SLC41A2: variants seen among roughly 807,000 people sequenced by gnomAD.
SLC41A2 encodes SLC41A1-like 1.
In SLC41A2, 32 loss-of-function variants were observed where a neutral mutation model predicts 58.3. That is an observed-to-expected ratio of 0.55 (90% CI 0.41 to 0.74). SLC41A2 has a LOEUF of 0.74. SLC41A2 is among the 30% of genes least tolerant of loss of function. SLC41A2 has a pLI of 0.00. For synonymous variants in SLC41A2, 190 were observed against 235.0 expected, an observed-to-expected ratio of 0.81 and a Z score of 1.75; for missense variants, 514 against 680.6, an observed-to-expected ratio of 0.76 and a Z score of 2.72.
intron 2 of SLC41A2, among the ~76,000 whole-genome samples, chr12:104,923,077 T>G (rs369412464): frequency 6.6e-6 from 1 of 151,218 alleles, no homozygotes; most frequent in African/African-American, 2.4e-5. Flanking sequence ...TGTCAAAAAA[T>G]AGAGGCCGGG....
intron 4 of SLC41A2, among the ~76,000 whole-genome samples, chr12:104,893,904 C>CA (rs1206997483): frequency 2.0e-5 from 3 of 151,584 alleles, no homozygotes; most frequent in Non-Finnish European, 4.4e-5. Context: ...TTAATGAGTA[C>CA]AAAAAAATAG....
intron 10 of SLC41A2, among the ~76,000 whole-genome samples, chr12:104,829,201 T>TA (rs2041956992): frequency 6.6e-6 from 1 of 152,216 alleles, no homozygotes; most frequent in Admixed American, 6.5e-5. Flanking sequence ...TACATGCATA[T>TA]TCATAGCAGC....
chr12:104,844,855 C>G (rs745408516), intron 9 of SLC41A2, among the ~76,000 whole-genome samples: 1 of 152,066 alleles, frequency 6.6e-6, no homozygotes, highest in Non-Finnish European at 1.5e-5. Flanking sequence ...TGAAGAACAT[C>G]GGTCACACTT....
chr12:104,870,041 A>G (rs2043684152), intron 6 of SLC41A2, among the ~76,000 whole-genome samples: 1 of 152,232 alleles, frequency 6.6e-6, no homozygotes. Flanking sequence ...GTAATAATTC[A>G]CAGGACCTGT....
Position 104,937,250 on chromosome 12 carries a change from T to C in SLC41A2, c.-167-8556A>G, listed in dbSNP as rs565560137. On this transcript the variant is annotated intron_variant, in intron 1 of 10. Coordinates refer to ENST00000258538, the MANE Select transcript of SLC41A2 (RefSeq NM_001352171.3). ...TCTGCAGTAGTGCACAGTAATGTCC[T>C]AGCCCTTAACATTCACTCACCATTC... Among the ~76,000 whole-genome samples, 8 of 152,342 alleles carry C rather than the reference T, an allele frequency of 5.3e-5. No homozygotes were observed. The South Asian group carries it at 1.2e-3, about 24-fold the overall frequency.
At chr12:104,887,415 T>A (rs79211604) in intron 5 of SLC41A2, among the ~76,000 whole-genome samples, 1 of 151,938 alleles carries the variant, frequency 6.6e-6, no homozygotes, top group South Asian at 2.1e-4. Flanking sequence ...CAGTGTTTTT[T>A]ACTCTACCTA....
chr12:104,920,226 A>C (rs1350352515), intron 2 of SLC41A2, among the ~76,000 whole-genome samples: 2 of 152,142 alleles, frequency 1.3e-5, no homozygotes, highest in Non-Finnish European at 2.9e-5. Context: ...AAACCATATA[A>C]TAATTCTTGA....
intron 7 of SLC41A2, among the ~76,000 whole-genome samples, chr12:104,862,864 A>T (rs2043261068): frequency 6.6e-6 from 1 of 152,192 alleles, no homozygotes; most frequent in Non-Finnish European, 1.5e-5. Context: ...TAACTTATGC[A>T]TTACTTCACA....
At chr12:104,883,944 G>T (rs1329169489) in intron 6 of SLC41A2, among the ~76,000 whole-genome samples, 1 of 152,262 alleles carries the variant, frequency 6.6e-6, no homozygotes, top group African/African-American at 2.4e-5. Flanking sequence ...CCTGCTTCCA[G>T]AGGTGGAGTC....
intron 10 of SLC41A2, among the ~76,000 whole-genome samples, chr12:104,842,659 A>C (rs11112207): frequency 0.53 from 80,868 of 151,874 alleles, 21,977 homozygotes; most frequent in Middle Eastern, 0.6. Context: ...CAGAGAGACT[A>C]ATAATTACTC....
chr12:104,895,887 CAT>C (rs2045258822), intron 3 of SLC41A2, among the ~76,000 whole-genome samples: 1 of 152,128 alleles, frequency 6.6e-6, no homozygotes, highest in African/African-American at 2.4e-5. Context: ...AAATTTTACA[CAT>C]CTTTCTGCTA....
At chr12:104,807,038 T>C (rs1392650088) in intron 10 of SLC41A2, among the ~76,000 whole-genome samples, 1 of 152,238 alleles carries the variant, frequency 6.6e-6, no homozygotes, top group African/African-American at 2.4e-5. Flanking sequence ...TGATGGTAGT[T>C]TCTTTTGCTG....
intron 8 of SLC41A2, among the ~76,000 whole-genome samples, chr12:104,856,968 AAG>A (rs1565845864): frequency 1.3e-5 from 2 of 152,204 alleles, no homozygotes; most frequent in African/African-American, 4.8e-5. Context: ...TAAAATCTAA[AAG>A]ATATATTTTT....
intron 1 of SLC41A2, among the ~76,000 whole-genome samples, chr12:104,933,778 GGA>G (rs201499800): frequency 0.097 from 14,684 of 151,960 alleles, 1,122 homozygotes; most frequent in East Asian, 0.26. Flanking sequence ...CAACTTGGAT[GGA>G]GAGCTAGAGG....
intron 1 of SLC41A2, among the ~76,000 whole-genome samples, chr12:104,932,942 C>T (rs2047125811): frequency 6.6e-6 from 1 of 151,766 alleles, no homozygotes; most frequent in African/African-American, 2.4e-5. Context: ...AGAAGAAAAC[C>T]TAGGAAAAAA....
Position 104,805,031 on chromosome 12 carries a change from G to A in SLC41A2, c.*121C>T. 1 of 814,058 alleles carries A rather than the reference G, an allele frequency of 1.2e-6. No homozygotes were observed. Among genetic ancestry groups the A allele is most frequent in the Non-Finnish European group, 1.9e-6 (1 of 539,412 alleles). 50.4% of individuals were successfully genotyped at this position (814,058 alleles called of 1,614,324 possible). On this transcript the variant is annotated 3_prime_UTR_variant, in exon 11 of 11. Transcript: ENST00000258538. The stretch of plus-strand genomic sequence containing the variant: ...AATTAAGGCCATTTAATTGAATCAG[G>A]GCCAACTGAAGATTACCCTGGCAAA...
At chr12:104,932,668 T>C (rs1180662115) in intron 1 of SLC41A2, among the ~76,000 whole-genome samples, 1 of 140,486 alleles carries the variant, frequency 7.1e-6, no homozygotes, top group Admixed American at 7.1e-5. Flanking sequence ...CAAAACAGCA[T>C]GATACTGGTA....
intron 6 of SLC41A2, among the ~76,000 whole-genome samples, chr12:104,874,248 G>T (rs1168206675): frequency 6.6e-6 from 1 of 151,618 alleles, no homozygotes; most frequent in Non-Finnish European, 1.5e-5. Flanking sequence ...TAATTTTTTT[G>T]TATTTTTAGT....
rs759764564 is a variant in SLC41A2 at position 104,844,603 on chromosome 12, C to A, written c.1405G>T (p.Ala469Ser). 2 of 1,536,822 alleles carry A rather than the reference C, an allele frequency of 1.3e-6. No individual in the cohort carries two copies. Among genetic ancestry groups the A allele is most frequent in the Admixed American group, 2.1e-5 (1 of 47,978 alleles). The change falls in exon 10 of 11, where the codon GCT (alanine) becomes TCT (serine). Residue 469 changes from alanine to serine, a missense_variant. Transcript: ENST00000258538. ...ATCACTAAAAGCAGTAGAACTTGAG[C>A]AGACTTATTATTTACTCCTGTAATA... ...FFGPGVNNKS[A>S]QVLLLLVIPG...
Sources: allele counts gnomAD v4.1 joint callset (sites outside exome capture counted in the v4.1 genomes callset), GRCh38; gene constraint gnomAD v4.1.1; transcripts MANE v1.5; gene names NCBI Gene and HGNC (gene_info 2026-07-23, HGNC 2026-07-21).